Variants in KCTD16 observed in about 807,000 individuals in gnomAD.
KCTD16 encodes the protein BTB/POZ domain-containing protein KCTD16.
Under a neutral mutation model 33.2 loss-of-function variants are expected in KCTD16, and 13 were observed. The ratio of observed to expected loss-of-function variants is 0.39; its 90% CI spans 0.25 to 0.62. KCTD16 has a LOEUF of 0.62. Ranked by LOEUF, KCTD16 falls within the 20% of genes least tolerant of loss-of-function variation. KCTD16 has a pLI of 0.50. For synonymous variants in KCTD16, 197 were observed against 195.3 expected, an observed-to-expected ratio of 1.01 and a Z score of -0.07; for missense variants, 441 against 525.1, an observed-to-expected ratio of 0.84 and a Z score of 1.57.
intron 3 of KCTD16, among the ~76,000 whole-genome samples, chr5:144,419,494 G>A (rs950740467): frequency 6.6e-6 from 1 of 152,110 alleles, no homozygotes; most frequent in Non-Finnish European, 1.5e-5. Context: ...TATGTTTAAT[G>A]TGAATGGGAT....
intron 3 of KCTD16, among the ~76,000 whole-genome samples, chr5:144,440,985 C>T (rs1044434632): frequency 2.0e-5 from 3 of 148,940 alleles, no homozygotes; most frequent in East Asian, 2.0e-4. Context: ...TGAGAACATG[C>T]GGTGTTTGGT....
At chr5:144,450,198 G>T (rs1180311262) in intron 3 of KCTD16, among the ~76,000 whole-genome samples, 1 of 151,986 alleles carries the variant, frequency 6.6e-6, no homozygotes, top group Non-Finnish European at 1.5e-5. Context: ...ATATAAAAAG[G>T]CACTCAACAT....
chr5:144,309,714 ACT>A (rs1751708714), intron 3 of KCTD16, among the ~76,000 whole-genome samples: 1 of 152,050 alleles, frequency 6.6e-6, no homozygotes, highest in African/African-American at 2.4e-5. Context: ...TTCTTAAATA[ACT>A]CACACACTGG....
At chr5:144,391,747 A>T (rs1175993847) in intron 3 of KCTD16, among the ~76,000 whole-genome samples, 3 of 152,234 alleles carry the variant, frequency 2.0e-5, no homozygotes, top group Non-Finnish European at 4.4e-5. Flanking sequence ...TAAACTGTGA[A>T]GTGTAAACAA....
At chr5:144,436,252 A>T in intron 3 of KCTD16, among the ~76,000 whole-genome samples, 1 of 152,150 alleles carries the variant, frequency 6.6e-6, no homozygotes, top group East Asian at 1.9e-4. Flanking sequence ...GGCAGATGGG[A>T]TTGACTTCTA....
At chr5:144,463,478 C>T (rs1289191132) in intron 3 of KCTD16, among the ~76,000 whole-genome samples, 1 of 152,156 alleles carries the variant, frequency 6.6e-6, no homozygotes, top group Non-Finnish European at 1.5e-5. Flanking sequence ...CAAATCATAT[C>T]ATTCAATTCT....
intron 3 of KCTD16, among the ~76,000 whole-genome samples, chr5:144,272,528 G>T (rs1755327071): frequency 6.6e-6 from 1 of 152,060 alleles, no homozygotes; most frequent in African/African-American, 2.4e-5. Flanking sequence ...CCTTGAAAAA[G>T]AATGAAGCTG....
At chr5:144,333,691 C>T (rs973991943) in intron 3 of KCTD16, among the ~76,000 whole-genome samples, 2 of 152,142 alleles carry the variant, frequency 1.3e-5, no homozygotes, top group Admixed American at 1.3e-4. Context: ...CCCCAGCATT[C>T]TTGTCTGGGC....
chr5:144,242,770 G>C (rs1250374782), intron 3 of KCTD16, among the ~76,000 whole-genome samples: 1 of 152,008 alleles, frequency 6.6e-6, no homozygotes, highest in Non-Finnish European at 1.5e-5. Context: ...GGGAGGAGGA[G>C]GCTCCAGGCT....
At chr5:144,284,348 T>C (rs886863668) in intron 3 of KCTD16, among the ~76,000 whole-genome samples, 2 of 152,176 alleles carry the variant, frequency 1.3e-5, no homozygotes, top group African/African-American at 2.4e-5. Context: ...AAACAAGAGC[T>C]ATCCACTATG....
At chr5:144,379,336 G>T (rs1752160396) in intron 3 of KCTD16, among the ~76,000 whole-genome samples, 1 of 152,144 alleles carries the variant, frequency 6.6e-6, no homozygotes, top group African/African-American at 2.4e-5. Context: ...TTAGTAAATA[G>T]ATATTTCACG....
At chr5:144,280,735 T>C (rs957986833) in intron 3 of KCTD16, among the ~76,000 whole-genome samples, 7 of 152,130 alleles carry the variant, frequency 4.6e-5, no homozygotes, top group African/African-American at 9.7e-5. Context: ...CCATCCTGGC[T>C]AACATGGTGA....
intron 3 of KCTD16, among the ~76,000 whole-genome samples, chr5:144,300,413 A>G (rs891474047): frequency 5.9e-5 from 9 of 152,246 alleles, no homozygotes; most frequent in African/African-American, 2.2e-4. Flanking sequence ...CCCACTTTTC[A>G]GAACTTACCA....
intron 3 of KCTD16, among the ~76,000 whole-genome samples, chr5:144,230,039 G>A (rs1479624312): frequency 6.6e-6 from 1 of 152,182 alleles, no homozygotes; most frequent in Non-Finnish European, 1.5e-5. Flanking sequence ...CTACATGGGA[G>A]GCTGAGGGAC....
chr5:144,324,961 G>A (rs906760359), intron 3 of KCTD16, among the ~76,000 whole-genome samples: 2 of 152,148 alleles, frequency 1.3e-5, no homozygotes, highest in African/African-American at 2.4e-5. Flanking sequence ...AGAAAAAATA[G>A]CTAATGCATG....
chr5:144,410,181 C>T (rs890200051), intron 3 of KCTD16, among the ~76,000 whole-genome samples: 3 of 152,290 alleles, frequency 2.0e-5, no homozygotes, highest in Non-Finnish European at 4.4e-5. Flanking sequence ...TGCATGGGCT[C>T]TGGCAAAGAA....
intron 3 of KCTD16, among the ~76,000 whole-genome samples, chr5:144,238,228 G>A (rs1374717490): frequency 6.6e-6 from 1 of 152,088 alleles, no homozygotes; most frequent in Non-Finnish European, 1.5e-5. Context: ...TTTGGGTGTA[G>A]GAGAACAGGA....
chr5:144,357,713 G>A (rs76943182), intron 3 of KCTD16, among the ~76,000 whole-genome samples: 1 of 152,266 alleles, frequency 6.6e-6, no homozygotes, highest in African/African-American at 2.4e-5. Flanking sequence ...GAGTTTGCTA[G>A]GTGGAGAAAG....
At chr5:144,430,423 C>G (rs961396992) in intron 3 of KCTD16, among the ~76,000 whole-genome samples, 4 of 152,048 alleles carry the variant, frequency 2.6e-5, no homozygotes, top group Non-Finnish European at 5.9e-5. Context: ...GTGGCAGATG[C>G]ATTTTAGTAG....
Sources: gnomAD v4.1 joint callset for allele counts (sites outside exome capture counted in the v4.1 genomes callset) on GRCh38, gnomAD v4.1.1 for gene constraint, MANE v1.5 for transcripts, NCBI Gene and HGNC (gene_info 2026-07-23, HGNC 2026-07-21) for gene names.